Variants in OLA1 observed in about 807,000 individuals in gnomAD.
The protein encoded by OLA1 is obg-like ATPase 1.
OLA1 carries 14 observed loss-of-function variants against 48.4 expected under a neutral mutation model. The ratio of observed to expected loss-of-function variants is 0.29; its 90% CI spans 0.19 to 0.45. The LOEUF (loss-of-function observed/expected upper bound fraction) is 0.45, where lower values mean the gene tolerates loss of function less well. OLA1 is among the 20% of genes least tolerant of loss of function. The pLI is 1.00. For missense variants in OLA1, 325 were observed against 467.1 expected, an observed-to-expected ratio of 0.70 and a Z score of 2.80; for synonymous variants, 127 against 150.4, an observed-to-expected ratio of 0.84 and a Z score of 1.14.
At chr2:174,233,668 C>T (rs1376691715) in intron 2 of OLA1, among the ~76,000 whole-genome samples, 5 of 152,168 alleles carry the variant, frequency 3.3e-5, no homozygotes, top group African/African-American at 4.8e-5. Context: ...AGCCACTGTG[C>T]GTGGCCATAT....
chr2:174,152,684 T>C (rs935129588), intron 4 of OLA1, among the ~76,000 whole-genome samples: 2 of 152,152 alleles, frequency 1.3e-5, no homozygotes, highest in Admixed American at 6.5e-5. Flanking sequence ...AAAATGGAAA[T>C]AATTGGTCTA....
chr2:174,106,772 A>G (rs1179545793), intron 7 of OLA1, among the ~76,000 whole-genome samples: 2 of 152,148 alleles, frequency 1.3e-5, no homozygotes, highest in African/African-American at 4.8e-5. Context: ...GATGCTATGC[A>G]CTGGTGCATC....
rs919159654 is a variant in OLA1 at position 174,079,212 on chromosome 2, T to C, written c.967-122A>G. 7.0e-6 allele frequency: 5 copies of C among 712,946 alleles called. No homozygotes were observed. The African/African-American group carries it at 9.1e-5, about 13-fold the overall frequency. 44.2% of individuals were successfully genotyped at this position (712,946 alleles called of 1,614,324 possible). ...GAACTTAGTTTAATATCTGTTAAGA[T>C]GTCAGGTATATAATTAGTACATTTT... On this transcript the variant is annotated intron_variant, in intron 9 of 10. Coordinates refer to ENST00000284719, the MANE Select transcript of OLA1 (RefSeq NM_013341.5).
chr2:174,104,035 T>C (rs1685458401), intron 7 of OLA1, among the ~76,000 whole-genome samples: 1 of 152,054 alleles, frequency 6.6e-6, no homozygotes. Context: ...TTATACATTG[T>C]GAAGAGCATA....
At chr2:174,138,674 C>T (rs1329941728) in intron 5 of OLA1, among the ~76,000 whole-genome samples, 2 of 152,082 alleles carry the variant, frequency 1.3e-5, no homozygotes, top group Non-Finnish European at 2.9e-5. Context: ...TCTGTGGAAC[C>T]GAATAAAGTG....
intron 2 of OLA1, among the ~76,000 whole-genome samples, chr2:174,245,928 T>A (rs1689117953): frequency 1.3e-5 from 2 of 151,216 alleles, no homozygotes; most frequent in Admixed American, 1.3e-4. Context: ...TTAAGTTGCG[T>A]GTGTATAGAG....
chr2:174,101,213 T>C (rs1273878920), intron 7 of OLA1, among the ~76,000 whole-genome samples: 2 of 152,258 alleles, frequency 1.3e-5, no homozygotes, highest in Non-Finnish European at 2.9e-5. Flanking sequence ...AGCCATTCTA[T>C]TAAGTATGAA....
intron 5 of OLA1, chr2:174,124,463 G>A (rs964919102): frequency 5.9e-5 from 9 of 152,130 alleles, no homozygotes; most frequent in Admixed American, 2.6e-4. Context: ...AAATGGAAAC[G>A]GCAAACAGCA....
intron 4 of OLA1, among the ~76,000 whole-genome samples, chr2:174,145,492 G>C (rs1052325557): frequency 1.3e-5 from 2 of 152,054 alleles, no homozygotes; most frequent in Non-Finnish European, 2.9e-5. Flanking sequence ...TGCAACGCTC[G>C]ATGAGAAAGT....
chr2:174,150,265 C>T (rs950691565), intron 4 of OLA1, among the ~76,000 whole-genome samples: 6 of 152,082 alleles, frequency 3.9e-5, no homozygotes, highest in Admixed American at 6.5e-5. Context: ...ATAAAAAGTT[C>T]GGCCATCTCT....
At position 174,072,841 on chromosome 2, in the gene OLA1, G is replaced by A. The variant is rs762119070; in HGVS notation, c.*2585C>T. 3 of 152,194 alleles carry A rather than the reference G, an allele frequency of 2.0e-5. No individual in the cohort carries two copies. Among genetic ancestry groups the A allele is most frequent in the Non-Finnish European group, 2.9e-5 (2 of 68,036 alleles). 9.4% of individuals were successfully genotyped at this position (152,194 alleles called of 1,614,324 possible). Reference sequence around the variant, plus strand: ...AGGCTTCACTCATAACTAAGTTAGCGACAAAAACTATTTGTGCTTCCTTGG... The same window carrying A: ...AGGCTTCACTCATAACTAAGTTAGCAACAAAAACTATTTGTGCTTCCTTGG... On this transcript the variant is annotated 3_prime_UTR_variant, in exon 11 of 11. Transcript: ENST00000284719.
At chr2:174,164,359 G>GCATAGTGCAGAATGGATACCATTCTA (rs1687110675) in intron 4 of OLA1, among the ~76,000 whole-genome samples, 1 of 152,152 alleles carries the variant, frequency 6.6e-6, no homozygotes, top group African/African-American at 2.4e-5. Flanking sequence ...ATACCATTCT[G>GCATAGTGCAGAATGGATACCATTCTA]CATAGTGCAG....
chr2:174,239,789 G>A (rs1688951522), intron 2 of OLA1, among the ~76,000 whole-genome samples: 1 of 151,604 alleles, frequency 6.6e-6, no homozygotes, highest in East Asian at 1.9e-4. Flanking sequence ...AGCTATTCAG[G>A]TGGCTGAGGT....
chr2:174,161,509 C>T (rs1423802842), intron 4 of OLA1, among the ~76,000 whole-genome samples: 1 of 151,900 alleles, frequency 6.6e-6, no homozygotes, highest in East Asian at 1.9e-4. Flanking sequence ...GTGGTTCACG[C>T]CTATAATTAG....
chr2:174,218,970 G>A (rs1688426756), intron 4 of OLA1, among the ~76,000 whole-genome samples: 1 of 150,772 alleles, frequency 6.6e-6, no homozygotes, highest in African/African-American at 2.5e-5. Flanking sequence ...ACAAGGCACA[G>A]GCCACCAAGG....
At chr2:174,173,566 A>G (rs549334488) in intron 4 of OLA1, among the ~76,000 whole-genome samples, 94 of 152,250 alleles carry the variant, frequency 6.2e-4, no homozygotes, top group Non-Finnish European at 9.1e-4. Context: ...GATTTTTTTT[A>G]TAAGTCAAAA....
At chr2:174,224,419 C>T (rs1478904356) in intron 3 of OLA1, among the ~76,000 whole-genome samples, 3 of 152,128 alleles carry the variant, frequency 2.0e-5, no homozygotes, top group South Asian at 4.1e-4. Context: ...GCAGTTTAAT[C>T]GCATTCCTAG....
At chr2:174,197,425 G>T (rs1326709806) in intron 4 of OLA1, among the ~76,000 whole-genome samples, 1 of 106,458 alleles carries the variant, frequency 9.4e-6, no homozygotes, top group African/African-American at 3.8e-5. Context: ...GATGTTGTTG[G>T]TTTGTTGTTT....
intron 4 of OLA1, among the ~76,000 whole-genome samples, chr2:174,164,693 T>C (rs2105400256): frequency 6.6e-6 from 1 of 152,288 alleles, no homozygotes; most frequent in African/African-American, 2.4e-5. Context: ...CAATTTCAAG[T>C]TTATCACTGA....
Sources: gnomAD v4.1 joint callset for allele counts (sites outside exome capture counted in the v4.1 genomes callset) on GRCh38, gnomAD v4.1.1 for gene constraint, MANE v1.5 for transcripts, NCBI Gene and HGNC (gene_info 2026-07-23, HGNC 2026-07-21) for gene names.